COL17A1: variants seen among roughly 807,000 people sequenced by gnomAD.
COL17A1 encodes collagen alpha-1(XVII) chain.
A neutral mutation model predicts 218.4 loss-of-function variants in COL17A1; 181 were observed. That is an observed-to-expected ratio of 0.83 (90% confidence interval 0.73 to 0.94). The LOEUF is 0.94. Among genes scored for constraint, COL17A1 ranks in the 40% least tolerant of loss-of-function variants. COL17A1 has a pLI of 0.00. For synonymous variants in COL17A1, 721 were observed against 731.0 expected (o/e 0.99, Z 0.22); for missense variants, 1,924 against 1,945.9 (o/e 0.99, Z 0.21).
intron 17 of COL17A1, 41 bp downstream of exon 17, chr10:104,056,934 C>T (rs777787419): frequency 3.9e-6 from 6 of 1,551,892 alleles, no homozygotes; most frequent in Non-Finnish European, 5.2e-6. Context: ...GGCTGGCCTG[C>T]CTCCTACCAC....
chr10:104,082,386 T>C (rs1221659263), intron 1 of COL17A1, among the ~76,000 whole-genome samples: 1 of 152,194 alleles, frequency 6.6e-6, no homozygotes, highest in Non-Finnish European at 1.5e-5. Context: ...TGTTTAAGCA[T>C]CAGTTTGATA....
chr10:104,059,417 A>C (rs2134626028), intron 15 of COL17A1: 1 of 597,136 alleles, frequency 1.7e-6, no homozygotes, highest in East Asian at 2.8e-5. Flanking sequence ...CTTTTGCTTC[A>C]GTAATGCAAA....
Position 104,039,590 on chromosome 10 carries a change from G to A in COL17A1, c.2821+18C>T, listed in dbSNP as rs1174626727. The stretch of plus-strand genomic sequence containing the variant: ...AGGCTCTGGCCAGAGCCAGAATGGG[G>A]CGGGGTTCAGCCCTTACCTGAGGTT... On this transcript the variant is annotated intron_variant, in intron 42 of 55. Coordinates refer to ENST00000648076, the MANE Select transcript of COL17A1 (RefSeq NM_000494.4). 3 of 1,614,170 alleles carry A rather than the reference G, an allele frequency of 1.9e-6. No individual in the cohort carries two copies. The highest frequency in any genetic ancestry group is 2.5e-6 in the Non-Finnish European group (3 of 1,180,022).
chr10:104,036,718 A>T, intron 47 of COL17A1, 86 bp from the exon 48 acceptor site: 2 of 1,517,678 alleles, frequency 1.3e-6, no homozygotes, highest in Non-Finnish European at 1.8e-6. Flanking sequence ...GCTCCCCTGC[A>T]CAAACTGGCT....
chr10:104,073,993 A>T, intron 6 of COL17A1, 191 bp downstream of exon 6: 1 of 768,264 alleles, frequency 1.3e-6, no homozygotes, highest in Non-Finnish European at 2.1e-6. Context: ...ACAGCAAGTT[A>T]ATGTGGCTGA....
intron 48 of COL17A1, 71 bp from the exon 49 acceptor site, chr10:104,035,634 T>C (rs2134568227): frequency 2.4e-6 from 3 of 1,249,598 alleles, no homozygotes; most frequent in Non-Finnish European, 3.4e-6. Context: ...GGAGGTCGGA[T>C]ACAGAAGAGG....
chr10:104,034,527 C>G, intron 51 of COL17A1, 94 bp downstream of exon 51: 1 of 1,541,606 alleles, frequency 6.5e-7, no homozygotes, highest in Non-Finnish European at 8.8e-7. Context: ...TCTCGTGTGG[C>G]CTTCCTGTCC....
At chr10:104,082,046 C>G (rs536155434) in intron 1 of COL17A1, among the ~76,000 whole-genome samples, 2 of 152,200 alleles carry the variant, frequency 1.3e-5, no homozygotes, top group Non-Finnish European at 2.9e-5. Context: ...AGCTGATCAA[C>G]GATCTGGTGG....
chr10:104,061,341 A>C (rs1589570930), intron 13 of COL17A1, 64 bp downstream of exon 13: 1 of 1,475,910 alleles, frequency 6.8e-7, no homozygotes, highest in Admixed American at 1.7e-5. Flanking sequence ...CACAGGCAGG[A>C]TTACTGCAGA....
In COL17A1 at chr10:104,033,184, C is replaced by T. The variant is rs192988199; in HGVS notation, c.4294+54G>A. ...GAGACTGGTGTCTCTGGAGCAGACCCGTGGGAACCTATGCAGTGAGGCAGG... is the reference window on the plus strand; with the variant it reads ...GAGACTGGTGTCTCTGGAGCAGACCTGTGGGAACCTATGCAGTGAGGCAGG... On this transcript the variant is annotated intron_variant, in intron 53 of 55. Transcript: ENST00000648076. 131 of 1,561,572 alleles carry T rather than the reference C, an allele frequency of 8.4e-5. 1 individual carries two copies. Among genetic ancestry groups the T allele is most frequent in the Middle Eastern group, 5.0e-4 (3 of 5,996 alleles).
chr10:104,066,886 G>T (rs1471456078), intron 9 of COL17A1, among the ~76,000 whole-genome samples: 1 of 152,206 alleles, frequency 6.6e-6, no homozygotes, highest in African/African-American at 2.4e-5. Context: ...GGAGAAGTTG[G>T]ATATGTAAGT....
chr10:104,057,279 G>A lies in COL17A1; in HGVS notation c.1268-107C>T, dbSNP rs1041499875. 1.1e-5 allele frequency: 18 copies of A among 1,573,320 alleles called. No individual in the cohort carries two copies. The East Asian group carries it at 1.6e-4, about 14-fold the overall frequency. On this transcript the variant is annotated intron_variant, in intron 16 of 55. Transcript: ENST00000648076. ...TCTGGCCTGAGTGACTACGACTGGG[G>A]GCTTTCAAGTTCCTGTGCTGTTCCA... is the stretch of plus-strand genomic sequence containing the variant.
At chr10:104,053,263 G>T in intron 22 of COL17A1, 128 bp from the exon 23 acceptor site, 2 of 1,023,382 alleles carry the variant, frequency 2.0e-6, no homozygotes, top group Non-Finnish European at 3.0e-6. Flanking sequence ...TTCTCTCCTG[G>T]ACCCCATAGC....
At chr10:104,067,191 C>T (rs994084482) in intron 9 of COL17A1, among the ~76,000 whole-genome samples, 3 of 152,180 alleles carry the variant, frequency 2.0e-5, no homozygotes, top group East Asian at 3.9e-4. Flanking sequence ...CCCCAAAGAT[C>T]GGGCCCAAAT....
At chr10:104,039,154 C>T (rs774273982) in intron 43 of COL17A1, 33 bp from the exon 44 acceptor site, 2 of 1,611,238 alleles carry the variant, frequency 1.2e-6, no homozygotes, top group South Asian at 2.2e-5. Context: ...TGCCTCACCT[C>T]CTCCAGGAAG....
chr10:104,052,015 G>A (rs2086474201), intron 24 of COL17A1, 140 bp downstream of exon 24: 4 of 1,128,844 alleles, frequency 3.5e-6, no homozygotes, highest in East Asian at 4.7e-5. Context: ...GATGCTCTTT[G>A]GACCCACCCA....
In COL17A1 at chr10:104,033,110, T is replaced by C. The variant is rs1416981068; in HGVS notation, c.4294+128A>G. 2.0e-6 allele frequency: 3 copies of C among 1,516,636 alleles called. No individual in the cohort carries two copies. In the Admixed American group the frequency reaches 5.9e-5, roughly 30 times the overall value. 93.9% of individuals were successfully genotyped at this position (1,516,636 alleles called of 1,614,324 possible). On this transcript the variant is annotated intron_variant, in intron 53 of 55. Transcript: ENST00000648076. ...GAAACAAAGTTCAGAATTTATAGAA[T>C]TTGTCTAATTTTGAGCATCTCAAAT...
chr10:104,049,780 C>T (rs140405318), intron 28 of COL17A1, among the ~76,000 whole-genome samples: 57 of 152,328 alleles, frequency 3.7e-4, no homozygotes, highest in African/African-American at 1.3e-3. Context: ...GAGAGGATAC[C>T]GGGGTGCAAA....
At chr10:104,055,194 G>T in intron 19 of COL17A1, 178 bp downstream of exon 19, 3 of 1,419,574 alleles carry the variant, frequency 2.1e-6, no homozygotes, top group Non-Finnish European at 2.9e-6. Context: ...CTTAGATGCT[G>T]CCTTATCTAA....
Sources: gnomAD v4.1 joint callset for allele counts (sites outside exome capture counted in the v4.1 genomes callset) on GRCh38, gnomAD v4.1.1 for gene constraint, MANE v1.5 for transcripts, NCBI Gene and HGNC (gene_info 2026-07-23, HGNC 2026-07-21) for gene names.